ARFGEF1: variants seen among roughly 807,000 people sequenced by gnomAD.
ARFGEF1 encodes the protein ARF guanine nucleotide exchange factor 1, also known as brefeldin A-inhibited guanine nucleotide-exchange protein 1.
In ARFGEF1, 42 loss-of-function variants were observed where a neutral mutation model predicts 231.0. That is an observed-to-expected ratio of 0.18 (90% CI 0.14 to 0.24). ARFGEF1 has a LOEUF of 0.24. Ranked by LOEUF, ARFGEF1 falls within the 10% of genes least tolerant of loss-of-function variation. The pLI is 1.00. For synonymous variants in ARFGEF1, 710 were observed against 732.3 expected, an observed-to-expected ratio of 0.97 and a Z score of 0.49; for missense variants, 1,345 against 2,192.0, an observed-to-expected ratio of 0.61 and a Z score of 7.72.
rs200612694 is a variant in ARFGEF1 at position 67,292,019 on chromosome 8, A to G, written c.744T>C (p.Tyr248=). 109 of 1,613,964 alleles carry G rather than the reference A, an allele frequency of 6.8e-5. No homozygotes were observed. Among genetic ancestry groups the G allele is most frequent in the Middle Eastern group, 3.3e-4 (2 of 6,062 alleles). The change falls in exon 6 of 39, where the codon TAT becomes TAC. Residue 248 remains tyrosine, a synonymous_variant. Coordinates refer to ENST00000262215, the MANE Select transcript of ARFGEF1 (RefSeq NM_006421.5). ...TATGATCAACAGTCTGAGGTGGCAA[A>G]TATCTAAGTTGAGGTGATTCAGGCT... ...HHEPESPQLR[Y]LPPQTVDHIS...
intron 1 of ARFGEF1, among the ~76,000 whole-genome samples, chr8:67,304,591 C>T (rs1479571236): frequency 2.6e-5 from 4 of 152,230 alleles, no homozygotes; most frequent in Admixed American, 2.6e-4. Flanking sequence ...CCTTGGGAAG[C>T]CGAGGCACAT....
chr8:67,287,893 G>A (rs1805825400), intron 7 of ARFGEF1, 62 bp downstream of exon 7: 2 of 1,136,824 alleles, frequency 1.8e-6, no homozygotes, highest in African/African-American at 3.2e-5. Flanking sequence ...ACATTACAAA[G>A]TCTCCACAGT....
At chr8:67,218,938 T>C (rs1398958886) in intron 30 of ARFGEF1, among the ~76,000 whole-genome samples, 2 of 152,012 alleles carry the variant, frequency 1.3e-5, no homozygotes, top group Non-Finnish European at 2.9e-5. Context: ...AACAAAAAAA[T>C]CAATTCATCA....
rs545235625 is a variant in ARFGEF1 at position 67,182,313 on chromosome 8, TCC to T, written c.561-6743_561-6742del. On this transcript the variant is annotated intron_variant, in intron 5 of 5. Transcript: ENST00000518789. ...GTGAGCTACCACACCCAGCCAGATT[TCC>T]CCTTTTTTTTTTTATGCTGTGAATA... Among the ~76,000 whole-genome samples the T allele has an allele frequency of 4.4e-3, 641 of 146,106 alleles. 4 individuals are homozygous for T. Among genetic ancestry groups the T allele is most frequent in the African/African-American group, 0.016 (592 of 36,376 alleles).
chr8:67,195,547 A>T, downstream of ARFGEF1: 1 of 1,614,180 alleles, frequency 6.2e-7, no homozygotes, highest in Non-Finnish European at 8.5e-7. Context: ...ATTCCTGGAA[A>T]ACCAGGCACT....
intron 1 of ARFGEF1, among the ~76,000 whole-genome samples, chr8:67,313,919 T>G (rs2128923525): frequency 6.6e-6 from 1 of 152,182 alleles, no homozygotes; most frequent in Non-Finnish European, 1.5e-5. Context: ...GAGCTCAGAC[T>G]CTTCTTGGGT....
intron 1 of ARFGEF1, among the ~76,000 whole-genome samples, chr8:67,334,284 C>CAAAAAAAA (rs35170687): frequency 9.5e-6 from 1 of 104,948 alleles, no homozygotes; most frequent in Non-Finnish European, 2.1e-5. Context: ...TTCCAAAGTC[C>CAAAAAAAA]AAAAAAAAAA....
chr8:67,222,894 T>C (rs1473173146), intron 29 of ARFGEF1, among the ~76,000 whole-genome samples: 1 of 152,152 alleles, frequency 6.6e-6, no homozygotes. Flanking sequence ...CCTGTTTAGA[T>C]ATGTTTAGAT....
intron 6 of ARFGEF1, among the ~76,000 whole-genome samples, chr8:67,291,179 C>A (rs1250398784): frequency 6.6e-6 from 1 of 152,098 alleles, no homozygotes; most frequent in Non-Finnish European, 1.5e-5. Context: ...TTTCACAGAA[C>A]AGCTAAAGCT....
At chr8:67,192,845 C>T (rs1377658157), downstream of ARFGEF1, among the ~76,000 whole-genome samples, 1 of 152,198 alleles carries the variant, frequency 6.6e-6, no homozygotes, top group East Asian at 1.9e-4. Flanking sequence ...TTCCATTGAT[C>T]TACATGTCTT....
rs575237632 is a variant in ARFGEF1 at position 67,248,093 on chromosome 8, A to T, written c.2850+3206T>A. 1.5e-4 allele frequency among the ~76,000 whole-genome samples: 22 copies of T among 150,042 alleles called. 2 individuals carry two copies. The highest frequency in any genetic ancestry group is 5.2e-4 in the African/African-American group (21 of 40,222). ...TAAAATGTCCATATTACCCAAAGCA[A>T]TCTATAGAATACCATGACATTCTTC... is the stretch of plus-strand genomic sequence containing the variant. On this transcript the variant is annotated intron_variant, in intron 19 of 38. Coordinates refer to ENST00000262215, the MANE Select transcript of ARFGEF1 (RefSeq NM_006421.5).
chr8:67,334,058 C>T (rs559873766), intron 1 of ARFGEF1, among the ~76,000 whole-genome samples: 17 of 151,134 alleles, frequency 1.1e-4, no homozygotes, highest in Non-Finnish European at 1.8e-4. Context: ...ATCACTTGAA[C>T]CTGGGAAGCG....
intron 23 of ARFGEF1, 59 bp from the exon 24 acceptor site, chr8:67,228,323 A>G: frequency 1.3e-6 from 2 of 1,510,250 alleles, no homozygotes; most frequent in Non-Finnish European, 1.8e-6. Context: ...ATTCCAATTG[A>G]AAAGTATGTG....
intron 34 of ARFGEF1, among the ~76,000 whole-genome samples, chr8:67,210,030 C>T (rs1838669610): frequency 6.6e-6 from 1 of 151,724 alleles, no homozygotes. Context: ...TGGCAGGCAC[C>T]TGTAGTCCCA....
chr8:67,216,622 G>C lies in ARFGEF1; in HGVS notation c.4654C>G (p.Pro1552Ala). The change falls in exon 33 of 39, where the codon CCA becomes GCA. Residue 1552 changes from proline to alanine, a missense_variant. Physicochemically the swap from Pro to Ala is conservative, Grantham distance 27. Transcript: ENST00000262215. ...TTTTCACTTACAGGAGATGGAGGTG[G>C]GGGGGCAGTTTCTCCAGAATTGGGT... ...WRPNSGETAP[P>A]PPSPVSEKPL... 6.2e-7 allele frequency: 1 copy of C among 1,606,508 alleles called. No individual in the cohort carries two copies. Among genetic ancestry groups the C allele is most frequent in the Non-Finnish European group, 8.5e-7 (1 of 1,177,866 alleles).
chr8:67,208,907 T>C (rs1838620095), intron 34 of ARFGEF1, among the ~76,000 whole-genome samples: 1 of 152,158 alleles, frequency 6.6e-6, no homozygotes, highest in African/African-American at 2.4e-5. Context: ...GGTAAACTTC[T>C]CACCCACTAG....
intron 5 of ARFGEF1, among the ~76,000 whole-genome samples, chr8:67,185,375 TAAAG>T (rs1242057212): frequency 1.3e-5 from 2 of 152,180 alleles, no homozygotes; most frequent in Admixed American, 6.5e-5. Flanking sequence ...CCAGTTATCT[TAAAG>T]AACGTTCAGT....
At chr8:67,199,192 G>A in intron 38 of ARFGEF1, 94 bp from the exon 39 acceptor site, 2 of 1,472,482 alleles carry the variant, frequency 1.4e-6, no homozygotes, top group Non-Finnish European at 1.8e-6. Flanking sequence ...TCCATCACAG[G>A]AGCCAGGAAA....
At chr8:67,205,312 G>T (rs1162093312) in intron 34 of ARFGEF1, among the ~76,000 whole-genome samples, 1 of 152,200 alleles carries the variant, frequency 6.6e-6, no homozygotes, top group Non-Finnish European at 1.5e-5. Context: ...TGGGATGGAG[G>T]TGTGGCCATG....
Sources: gnomAD v4.1 joint callset for allele counts (sites outside exome capture counted in the v4.1 genomes callset) on GRCh38, gnomAD v4.1.1 for gene constraint, MANE v1.5 for transcripts, NCBI Gene and HGNC (gene_info 2026-07-23, HGNC 2026-07-21) for gene names.